The following LRP11 variants were observed in gnomAD, a reference collection of about 807,000 sequenced individuals.
LRP11 encodes low-density lipoprotein receptor-related protein 11.
A neutral mutation model predicts 43.1 loss-of-function variants in LRP11; 25 were observed. The ratio of observed to expected loss-of-function variants is 0.58; its 90% confidence interval spans 0.42 to 0.81. The LOEUF is 0.81. LRP11 is among the 30% of genes least tolerant of loss of function. The pLI is 0.00. For synonymous variants in LRP11, 316 were observed against 299.4 expected (o/e 1.06, Z -0.57); for missense variants, 623 against 665.1 (o/e 0.94, Z 0.70).
chr6:149,828,405 G>T (rs145329824), intron 5 of LRP11, among the ~76,000 whole-genome samples: 1 of 151,946 alleles, frequency 6.6e-6, no homozygotes, highest in African/African-American at 2.4e-5. Flanking sequence ...GGGTGAGGTA[G>T]TTAATAGGTA....
chr6:149,833,030 G>T (rs182259353), intron 5 of LRP11, among the ~76,000 whole-genome samples: 3 of 151,904 alleles, frequency 2.0e-5, no homozygotes, highest in Non-Finnish European at 4.4e-5. Flanking sequence ...GGATGGTCTC[G>T]ATCTCCTGAC....
At chr6:149,848,655 C>A (rs984035490) in intron 2 of LRP11, among the ~76,000 whole-genome samples, 28 of 152,028 alleles carry the variant, frequency 1.8e-4, no homozygotes, top group African/African-American at 6.8e-4. Flanking sequence ...CACATGTTCT[C>A]ACTTATAAGT....
At chr6:149,837,309 T>C in intron 4 of LRP11, 29 bp downstream of exon 4, 4 of 1,606,770 alleles carry the variant, frequency 2.5e-6, no homozygotes, top group African/African-American at 1.3e-5. Flanking sequence ...TTCCAGCCAC[T>C]GCCTAGCAAT....
At chr6:149,855,407 G>A (rs1334310294) in intron 1 of LRP11, among the ~76,000 whole-genome samples, 6 of 152,108 alleles carry the variant, frequency 3.9e-5, no homozygotes, top group South Asian at 4.1e-4. Context: ...CCTGCTTGTA[G>A]GTGCACACTC....
chr6:149,859,396 A>ATATATATATTTTTTTTTTTTT, intron 1 of LRP11, among the ~76,000 whole-genome samples: 9 of 71,496 alleles, frequency 1.3e-4, no homozygotes, highest in African/African-American at 5.7e-4. Flanking sequence ...ATATATATAT[A>ATATATATATTTTTTTTTTTTT]TTTTTTTTTT....
In LRP11 at chr6:149,820,493, G is replaced by C. The variant is rs1217787698; in HGVS notation, c.*56C>G. ...AGCTGTAAATATCCAGAACTTAATA[G>C]ATGTATAAATTATAAACAAAACATG... On this transcript the variant is annotated 3_prime_UTR_variant, in exon 7 of 7. Coordinates refer to ENST00000239367, the MANE Select transcript of LRP11 (RefSeq NM_032832.6). 2.8e-6 allele frequency: 2 copies of C among 723,820 alleles called. No individual in the cohort carries two copies. Among genetic ancestry groups the C allele is most frequent in the African/African-American group, 3.5e-5 (2 of 56,988 alleles). 44.8% of individuals were successfully genotyped at this position (723,820 alleles called of 1,614,324 possible).
At chr6:149,848,280 T>C (rs947809351) in intron 2 of LRP11, among the ~76,000 whole-genome samples, 1 of 152,152 alleles carries the variant, frequency 6.6e-6, no homozygotes, top group African/African-American at 2.4e-5. Context: ...GCAAATTAGT[T>C]CACCCATTGT....
chr6:149,832,315 C>T (rs2115379767), intron 5 of LRP11, among the ~76,000 whole-genome samples: 1 of 151,654 alleles, frequency 6.6e-6, no homozygotes, highest in Non-Finnish European at 1.5e-5. Context: ...CCTCAGCCTC[C>T]TGAGTAGCTG....
intron 2 of LRP11, among the ~76,000 whole-genome samples, chr6:149,847,597 A>G (rs1208013325): frequency 6.6e-6 from 1 of 152,192 alleles, no homozygotes; most frequent in East Asian, 1.9e-4. Context: ...CTATATATGT[A>G]CACACAACAT....
In LRP11 at chr6:149,836,207, G is replaced by A. The variant is rs267600854; in HGVS notation, c.1130C>T (p.Ser377Phe). The change falls in exon 5 of 7, where the codon TCC (serine) becomes TTC (phenylalanine). Residue 377 changes from serine (S) to phenylalanine (F), a missense_variant. Ser to Phe is a radical substitution (Grantham distance 155, BLOSUM62 -2). Coordinates refer to ENST00000239367, the MANE Select transcript of LRP11 (RefSeq NM_032832.6). ...TGPSEDAGGD[S>F]LVEKSQKATA... The stretch of plus-strand genomic sequence containing the variant: ...GGCTTTCTGAGACTTTTCCACCAAG[G>A]AGTCACCCCCTGCATCTTCACTCGG... 5 of 1,614,142 alleles carry A rather than the reference G, an allele frequency of 3.1e-6. No homozygotes were observed. In the Admixed American group the frequency reaches 8.3e-5, roughly 27 times the overall value.
chr6:149,844,615 C>T (rs918063237), intron 2 of LRP11, among the ~76,000 whole-genome samples: 1 of 152,178 alleles, frequency 6.6e-6, no homozygotes, highest in Non-Finnish European at 1.5e-5. Flanking sequence ...TAAAAAAATT[C>T]CTTTCTGCTT....
In LRP11 at chr6:149,847,008, GAATAGAATAA is replaced by G. The variant is rs1164048348; in HGVS notation, c.772-3894_772-3885del. Among the ~76,000 whole-genome samples the G allele has an allele frequency of 4.4e-4, 65 of 147,188 alleles. 1 individual carries two copies. The highest frequency in any genetic ancestry group is 1.3e-3 in the African/African-American group (51 of 39,930). ...GAATAGAATAGAATAGAATAGAATA[GAATAGAATAA>G]ACCAAGGAAGCACTGAGGCCAGGGA... is the stretch of plus-strand genomic sequence containing the variant. On this transcript the variant is annotated intron_variant, in intron 2 of 6. Coordinates refer to ENST00000239367, the MANE Select transcript of LRP11 (RefSeq NM_032832.6).
At position 149,826,357 on chromosome 6, in the gene LRP11, T is replaced by C. The variant is rs2115373459; in HGVS notation, c.1255A>G (p.Ser419Gly). 1 of 1,605,080 alleles carries C rather than the reference T, an allele frequency of 6.2e-7. No individual in the cohort carries two copies. The stretch of plus-strand genomic sequence containing the variant: ...TTTCTGTTCTTCCCTGAGGAACTAC[T>C]ATCTGCAGAAAAGAAAGAGAACATA... ...ESQIIPVMPDSSSSGKNRKEE... is the reference protein window; with the variant it reads ...ESQIIPVMPDGSSSGKNRKEE... Residue 419 changes from serine to glycine, a missense_variant and splice_region_variant, in exon 6 of 7, where the codon AGT (serine) becomes GGT (glycine). Physicochemically the swap from Ser to Gly is moderately conservative, Grantham distance 56. Transcript: ENST00000239367.
intron 3 of LRP11, 178 bp downstream of exon 3, chr6:149,842,805 A>G (rs1227872159): frequency 2.5e-6 from 3 of 1,201,266 alleles, no homozygotes; most frequent in African/African-American, 1.5e-5. Context: ...GCATCGGCTA[A>G]GCCCAAAACA....
At chr6:149,855,911 A>C (rs1776791948) in intron 1 of LRP11, among the ~76,000 whole-genome samples, 1 of 152,170 alleles carries the variant, frequency 6.6e-6, no homozygotes, top group South Asian at 2.1e-4. Context: ...ACAAACACGG[A>C]GTGTCTGATG....
At position 149,847,018 on chromosome 6, in the gene LRP11, A is replaced by AATAG. The variant is rs1554259676; in HGVS notation, c.772-3895_772-3894insCTAT. On this transcript the variant is annotated intron_variant, in intron 2 of 6. Coordinates refer to ENST00000239367, the MANE Select transcript of LRP11 (RefSeq NM_032832.6). Reference sequence around the variant, plus strand: ...GAATAGAATAGAATAGAATAGAATAAACCAAGGAAGCACTGAGGCCAGGGA... The same window carrying AATAG: ...GAATAGAATAGAATAGAATAGAATAAATAGACCAAGGAAGCACTGAGGCCAGGGA... 2.1e-3 allele frequency among the ~76,000 whole-genome samples: 248 copies of AATAG among 117,010 alleles called. 2 individuals are homozygous for AATAG. Among genetic ancestry groups the AATAG allele is most frequent in the African/African-American group, 6.7e-3 (217 of 32,490 alleles). The allele number at this position is 117,010 out of a possible 152,430, so 76.8% of individuals were successfully genotyped here.
chr6:149,826,480 C>A, intron 5 of LRP11, 121 bp from the exon 6 acceptor site: 1 of 665,800 alleles, frequency 1.5e-6, no homozygotes, highest in Non-Finnish European at 2.6e-6. Context: ...GTTTATTTCT[C>A]TACTAAACAA....
At chr6:149,840,765 C>T (rs1393360136) in intron 3 of LRP11, among the ~76,000 whole-genome samples, 3 of 152,204 alleles carry the variant, frequency 2.0e-5, no homozygotes, top group South Asian at 2.1e-4. Context: ...CTCTAGAGGG[C>T]GCCCAGATCT....
chr6:149,856,892 G>A (rs60981297), intron 1 of LRP11, among the ~76,000 whole-genome samples: 1 of 151,934 alleles, frequency 6.6e-6, no homozygotes, highest in African/African-American at 2.4e-5. Context: ...GAAGCGGGGC[G>A]AGACTAGGGG....
Sources: allele counts gnomAD v4.1 joint callset (sites outside exome capture counted in the v4.1 genomes callset), GRCh38; gene constraint gnomAD v4.1.1; transcripts MANE v1.5; gene names NCBI Gene and HGNC (gene_info 2026-07-23, HGNC 2026-07-21).